The following CCNL1 variants were observed in gnomAD, a reference collection of about 807,000 sequenced individuals.
The protein encoded by CCNL1 is cyclin L1.
In CCNL1, 13 loss-of-function variants were observed where a neutral mutation model predicts 60.6. That is an observed-to-expected ratio of 0.21 (90% CI 0.14 to 0.34). The LOEUF is 0.34. CCNL1 is among the 10% of genes least tolerant of loss of function. The probability of loss-of-function intolerance (pLI) is 1.00; values close to 1 mark genes in which losing one functional copy is unlikely to be tolerated. For missense variants in CCNL1, 481 were observed against 664.3 expected (o/e 0.72, Z 3.03); for synonymous variants, 270 against 244.3 (o/e 1.10, Z -0.98).
intron 5 of CCNL1, chr3:157,151,432 T>C: frequency 3.0e-6 from 3 of 985,824 alleles, no homozygotes; most frequent in Non-Finnish European, 3.6e-6. Context: ...TTAAGCAATA[T>C]TATAGTAACA....
intron 10 of CCNL1, chr3:157,149,084 AAC>A: frequency 1.8e-6 from 1 of 568,264 alleles, no homozygotes; most frequent in Non-Finnish European, 3.1e-6. Context: ...TTCTCCAAAA[AAC>A]ATGGGAGAAA....
intron 5 of CCNL1, chr3:157,151,352 C>A: frequency 1.0e-6 from 1 of 985,858 alleles, no homozygotes; most frequent in African/African-American, 1.7e-5. Context: ...AACTCCTTGG[C>A]TTGACCTTTA....
At chr3:157,146,501 G>C, downstream of CCNL1, 14 of 448,462 alleles carry the variant, frequency 3.1e-5, no homozygotes, top group South Asian at 2.2e-4. Flanking sequence ...AGGGACATAA[G>C]TAATTTCAAC....
Position 157,151,089 on chromosome 3 carries a change from T to C in CCNL1, c.675-708A>G, listed in dbSNP as rs557029239. The C allele has an allele frequency of 1.7e-5, 17 of 984,846 alleles. No homozygotes were observed. The South Asian group carries it at 3.3e-4, about 19-fold the overall frequency. The allele number at this position is 984,846 out of a possible 1,614,324, so 61.0% of individuals were successfully genotyped here. ...ATCATTTAAAAGGTTAAGCTGAAAT[T>C]AAATGGACTATTTCTTAAAAATCCT... On this transcript the variant is annotated intron_variant, in intron 5 of 10. Coordinates refer to ENST00000295926, the MANE Select transcript of CCNL1 (RefSeq NM_020307.4).
chr3:157,150,572 T>C (rs564303141), intron 5 of CCNL1, 191 bp from the exon 6 acceptor site: 2 of 1,316,264 alleles, frequency 1.5e-6, no homozygotes, highest in Admixed American at 3.2e-5. Context: ...ACTAGGACCA[T>C]ATGCGATTTT....
intron 3 of CCNL1, chr3:157,153,444 G>A (rs1738350124): frequency 3.3e-6 from 1 of 300,480 alleles, no homozygotes; most frequent in Non-Finnish European, 6.3e-6. Context: ...TTATATTCTA[G>A]GTGTGTATAT....
At position 157,159,390 on chromosome 3, in the gene CCNL1, C is replaced by A; in HGVS notation, c.378+15G>T. On this transcript the variant is annotated intron_variant, in intron 2 of 10. Coordinates refer to ENST00000295926, the MANE Select transcript of CCNL1 (RefSeq NM_020307.4). ...GGATGAAGAAATCCCTTTTACCCGC[C>A]TCCGCTGTGCTTACCTCGAAACTGT... 6.2e-7 allele frequency: 1 copy of A among 1,613,560 alleles called. No individual in the cohort carries two copies. Among genetic ancestry groups the A allele is most frequent in the South Asian group, 1.1e-5 (1 of 91,048 alleles).
At chr3:157,143,594 G>A (rs116815261), downstream of CCNL1, among the ~76,000 whole-genome samples, 1,060 of 152,300 alleles carry the variant, frequency 7.0e-3, 13 homozygotes, top group African/African-American at 0.024. Context: ...TTCTAATGAG[G>A]AAGAGATTAA....
Position 157,159,474 on chromosome 3 carries a change from C to A in CCNL1, c.309G>T (p.Ala103=), listed in dbSNP as rs1453392441. Residue 103 remains alanine, a synonymous_variant, in exon 2 of 11, where the codon GCG becomes GCT. Coordinates refer to ENST00000295926, the MANE Select transcript of CCNL1 (RefSeq NM_020307.4). ...AGILLRLPQV[A]MATGQVLFHR... ...GAAACAACACCTGCCCCGTTGCCAT[C>A]GCCACCTGCAGACAAGAGAGGAGAA... is the stretch of plus-strand genomic sequence containing the variant. The A allele has an allele frequency of 4.4e-6, 7 of 1,606,500 alleles. No homozygotes were observed. Among genetic ancestry groups the A allele is most frequent in the Non-Finnish European group, 5.9e-6 (7 of 1,176,586 alleles).
intron 10 of CCNL1, 70 bp from the exon 11 acceptor site, chr3:157,148,659 T>C (rs1737928154): frequency 1.4e-6 from 2 of 1,397,814 alleles, no homozygotes; most frequent in Admixed American, 2.4e-5. Flanking sequence ...TGGTTGCTCA[T>C]AACAGGTTCA....
At position 157,159,921 on chromosome 3, in the gene CCNL1, C is replaced by G; in HGVS notation, c.174G>C (p.Leu58=). Residue 58 remains leucine (L), a synonymous_variant, in exon 1 of 11, where the codon CTG becomes CTC. Coordinates refer to ENST00000295926, the MANE Select transcript of CCNL1 (RefSeq NM_020307.4). The part of the protein sequence containing the change: ...SEVSLTIDHS[L]IPEERLSPTP... ...TGGGCGAGAGCCTCTCCTCCGGAAT[C>G]AGAGAGTGGTCGATGGTAAGTGAAA... The G allele has an allele frequency of 6.2e-7, 1 of 1,607,034 alleles. No individual in the cohort carries two copies. The highest frequency in any genetic ancestry group is 8.5e-7 in the Non-Finnish European group (1 of 1,176,744).
chr3:157,145,130 G>A (rs111227448), downstream of CCNL1, among the ~76,000 whole-genome samples: 3 of 152,104 alleles, frequency 2.0e-5, no homozygotes, highest in African/African-American at 7.2e-5. Context: ...TAACATGAAA[G>A]GACTTGTACT....
intron 3 of CCNL1, chr3:157,154,084 C>T (rs184094637): frequency 6.6e-6 from 1 of 152,288 alleles, no homozygotes; most frequent in African/African-American, 2.4e-5. Flanking sequence ...TTCTATAATA[C>T]AGAAGGCTTA....
rs372373476 is a variant in CCNL1, at chr3:157,159,503, A to C, written c.304-24T>G. 14 of 1,605,900 alleles carry C rather than the reference A, an allele frequency of 8.7e-6. No individual in the cohort carries two copies. The African/African-American group carries it at 1.6e-4, about 18-fold the overall frequency. ...ACCTGCAGACAAGAGAGGAGAACGGAAGCGCAGGGGTCAGGCGGGCCCGCT... is the reference window on the plus strand; with the variant it reads ...ACCTGCAGACAAGAGAGGAGAACGGCAGCGCAGGGGTCAGGCGGGCCCGCT... On this transcript the variant is annotated intron_variant, in intron 1 of 10. Transcript: ENST00000295926.
At chr3:157,149,189 C>A in intron 10 of CCNL1, 98 bp downstream of exon 10, 1 of 1,000,716 alleles carries the variant, frequency 1.0e-6, no homozygotes, top group African/African-American at 1.6e-5. Flanking sequence ...TAATTCTAAC[C>A]TAACTTTGAA....
At chr3:157,150,483 T>A (rs1738100811) in intron 5 of CCNL1, 102 bp from the exon 6 acceptor site, 1 of 1,473,802 alleles carries the variant, frequency 6.8e-7, no homozygotes, top group East Asian at 2.5e-5. Context: ...TTTTCTTCTC[T>A]TATTTATATT....
intron 3 of CCNL1, chr3:157,153,507 C>T (rs188952839): frequency 6.6e-4 from 118 of 178,888 alleles, no homozygotes; most frequent in Non-Finnish European, 1.0e-3. Context: ...ACCTCAAAGT[C>T]TCTCCAAGAG....
chr3:157,150,635 G>A, intron 5 of CCNL1: 1 of 1,158,266 alleles, frequency 8.6e-7, no homozygotes, highest in Non-Finnish European at 1.1e-6. Flanking sequence ...ATCCAAACTA[G>A]AAATTACTCC....
intron 4 of CCNL1, chr3:157,152,785 C>G (rs141044727): frequency 3.4e-4 from 419 of 1,215,242 alleles, no homozygotes; most frequent in Non-Finnish European, 4.2e-4. Flanking sequence ...GGGACTTTAA[C>G]CACAGAAACA....
Sources: allele counts gnomAD v4.1 joint callset (sites outside exome capture counted in the v4.1 genomes callset), GRCh38; gene constraint gnomAD v4.1.1; transcripts MANE v1.5; gene names NCBI Gene and HGNC (gene_info 2026-07-23, HGNC 2026-07-21).